MEF2C: variants seen among roughly 807,000 people sequenced by gnomAD.
The protein encoded by MEF2C is myocyte enhancer factor 2C, also known as myocyte-specific enhancer factor 2C.
MEF2C carries 6 observed loss-of-function variants against 50.5 expected under a neutral mutation model. The ratio of observed to expected loss-of-function variants is 0.12; its 90% confidence interval spans 0.07 to 0.23. MEF2C has a LOEUF of 0.23. Among genes scored for constraint, MEF2C ranks in the 10% least tolerant of loss-of-function variants. MEF2C has a pLI of 1.00. For missense variants in MEF2C, 276 were observed against 605.0 expected, an observed-to-expected ratio of 0.46 and a Z score of 5.70; for synonymous variants, 183 against 228.0, an observed-to-expected ratio of 0.80 and a Z score of 1.78.
intron 1 of MEF2C, among the ~76,000 whole-genome samples, chr5:88,834,822 G>A (rs959966060): frequency 4.6e-5 from 7 of 152,278 alleles, no homozygotes; most frequent in African/African-American, 1.7e-4. Flanking sequence ...AGTGGGAATA[G>A]TAACAACATA....
Position 88,740,055 on chromosome 5 carries a change from T to C in MEF2C, c.638-8154A>G, listed in dbSNP as rs1038861971. 4 of 985,346 alleles carry C rather than the reference T, an allele frequency of 4.1e-6. No individual in the cohort carries two copies. The South Asian group carries it at 1.9e-4, about 46-fold the overall frequency. The allele number at this position is 985,346 out of a possible 1,614,324, so 61.0% of individuals were successfully genotyped here. ...TTCTTAGAGAAATACCCCAAGACTA[T>C]ACCAAAGCCAAGAACTATTCTTGGC... On this transcript the variant is annotated intron_variant, in intron 6 of 10. Transcript: ENST00000504921.
chr5:88,889,446 G>C (rs1450267070), intron 1 of MEF2C: 2 of 152,754 alleles, frequency 1.3e-5, no homozygotes, highest in African/African-American at 2.4e-5. Context: ...TCCTTCCTTG[G>C]AGTGTTTCTA....
At chr5:88,901,898 T>C (rs899145076) in intron 1 of MEF2C, among the ~76,000 whole-genome samples, 10 of 151,972 alleles carry the variant, frequency 6.6e-5, no homozygotes, top group Non-Finnish European at 1.5e-4. Context: ...TTGAGCTATA[T>C]TTAATATTAT....
At chr5:88,781,306 A>G (rs958158189) in intron 3 of MEF2C, among the ~76,000 whole-genome samples, 13 of 152,378 alleles carry the variant, frequency 8.5e-5, no homozygotes, top group African/African-American at 3.1e-4. Context: ...CTAAATTTAC[A>G]TATGCAAAAA....
At chr5:88,783,323 G>A (rs1004572507) in intron 3 of MEF2C, among the ~76,000 whole-genome samples, 8 of 152,084 alleles carry the variant, frequency 5.3e-5, no homozygotes, top group African/African-American at 7.2e-5. Context: ...ATTTACAGAC[G>A]ATGGGATTAA....
At chr5:88,736,930 A>G in intron 6 of MEF2C, 1 of 985,240 alleles carries the variant, frequency 1.0e-6, no homozygotes, top group Non-Finnish European at 1.2e-6. Context: ...AGGATCAACT[A>G]AAGTTCCAAC....
chr5:88,731,531 T>TA (rs143210227), intron 7 of MEF2C, 198 bp downstream of exon 7: 183 of 456,920 alleles, frequency 4.0e-4, no homozygotes, highest in Admixed American at 7.1e-4. Flanking sequence ...TATATATATA[T>TA]TTTTTTTACA....
rs141870597 is a variant in MEF2C, at chr5:88,738,815, C to G, written c.638-6914G>C. ...AATAGTAGTTCTGGTTCAGAAGACA[C>G]TGAATTCTCATAAAGAGGCACAGAA... On this transcript the variant is annotated intron_variant, in intron 6 of 10. Transcript: ENST00000504921. 2.3e-5 allele frequency: 23 copies of G among 985,302 alleles called. 1 individual carries two copies. The East Asian group carries it at 1.5e-3, about 63-fold the overall frequency. 61.0% of individuals were successfully genotyped at this position (985,302 alleles called of 1,614,324 possible).
At chr5:88,767,283 T>C (rs941461925) in intron 3 of MEF2C, among the ~76,000 whole-genome samples, 1 of 152,254 alleles carries the variant, frequency 6.6e-6, no homozygotes, top group East Asian at 1.9e-4. Flanking sequence ...GTATGGTTTT[T>C]GCCTTAGGCT....
intron 6 of MEF2C, chr5:88,740,383 T>C (rs1240225629): frequency 1.0e-5 from 10 of 985,190 alleles, no homozygotes. Flanking sequence ...AAGTTGTTTT[T>C]CCAAAGATTG....
chr5:88,859,695 T>C (rs1824813144), intron 1 of MEF2C, among the ~76,000 whole-genome samples: 1 of 152,208 alleles, frequency 6.6e-6, no homozygotes, highest in African/African-American at 2.4e-5. Flanking sequence ...ATTGGGAAGT[T>C]GCGCTCAACG....
chr5:88,729,558 A>G, intron 8 of MEF2C: 1 of 534,622 alleles, frequency 1.9e-6, no homozygotes, highest in Non-Finnish European at 3.3e-6. Flanking sequence ...TTACATCAGT[A>G]TCTCCTAGGC....
In MEF2C at chr5:88,774,531, C is replaced by A. The variant is rs145718120; in HGVS notation, c.259-13203G>T. On this transcript the variant is annotated intron_variant, in intron 3 of 10. Transcript: ENST00000504921. ...TAGAGACGGGGTTTCACCGTGTTAG[C>A]CAGCATGGTCTCGATCTCCTGACCT... Among the ~76,000 whole-genome samples the A allele has an allele frequency of 7.4e-3, 1,127 of 152,116 alleles. 19 individuals are homozygous for A. Among genetic ancestry groups the A allele is most frequent in the African/African-American group, 0.027 (1,100 of 41,494 alleles).
chr5:88,743,819 G>T, intron 6 of MEF2C: 2 of 984,622 alleles, frequency 2.0e-6, no homozygotes, highest in Middle Eastern at 5.2e-4. Flanking sequence ...ATAACCAAAT[G>T]CATAAAATAG....
At chr5:88,825,647 T>TC in intron 1 of MEF2C, 1 of 984,852 alleles carries the variant, frequency 1.0e-6, no homozygotes, top group Non-Finnish European at 1.2e-6. Context: ...CTAGACACTG[T>TC]CCATCTATTT....
chr5:88,757,898 G>A (rs1205153092), intron 4 of MEF2C, among the ~76,000 whole-genome samples: 3 of 152,042 alleles, frequency 2.0e-5, no homozygotes, highest in South Asian at 2.1e-4. Flanking sequence ...CCTGAGGCAC[G>A]GGGTGAGACC....
chr5:88,882,690 T>C (rs1363142159), intron 1 of MEF2C, among the ~76,000 whole-genome samples: 1 of 152,178 alleles, frequency 6.6e-6, no homozygotes, highest in Admixed American at 6.5e-5. Context: ...TTCATGAAAC[T>C]TTAAATACAC....
intron 1 of MEF2C, among the ~76,000 whole-genome samples, chr5:88,841,060 A>G (rs1164283467): frequency 6.6e-6 from 1 of 152,232 alleles, no homozygotes; most frequent in African/African-American, 2.4e-5. Context: ...TTAAGTCTGC[A>G]AATAAGAGAG....
chr5:88,722,573 A>G lies in MEF2C; in HGVS notation c.*31T>C, dbSNP rs1230573373. On this transcript the variant is annotated 3_prime_UTR_variant, in exon 11 of 11. Coordinates refer to ENST00000504921, the MANE Select transcript of MEF2C (RefSeq NM_002397.5). The stretch of plus-strand genomic sequence containing the variant: ...TATAGCACACACACACACTGCAAGA[A>G]AAAAAAAAAAACTAGTAAGTAATAA... 1.5e-6 allele frequency: 2 copies of G among 1,354,764 alleles called. No individual in the cohort carries two copies. Among genetic ancestry groups the G allele is most frequent in the African/African-American group, 2.7e-5 (1 of 36,424 alleles). The allele number at this position is 1,354,764 out of a possible 1,614,324, so 83.9% of individuals were successfully genotyped here.
Sources: gnomAD v4.1 joint callset for allele counts (sites outside exome capture counted in the v4.1 genomes callset) on GRCh38, gnomAD v4.1.1 for gene constraint, MANE v1.5 for transcripts, NCBI Gene and HGNC (gene_info 2026-07-23, HGNC 2026-07-21) for gene names.